Variants in PAICS observed in about 807,000 individuals in gnomAD.
The protein encoded by PAICS is phosphoribosylaminoimidazole carboxylase and phosphoribosylaminoimidazolesuccinocarboxamide synthase.
Under a neutral mutation model 53.7 loss-of-function variants are expected in PAICS, and 33 were observed. The observed-to-expected ratio is 0.61, with a 90% CI of 0.47 to 0.82. The LOEUF is 0.82. Among genes scored for constraint, PAICS ranks in the 40% least tolerant of loss-of-function variants. The pLI, the probability that PAICS is intolerant of heterozygous loss-of-function variation, is 0.00. For missense variants in PAICS, 394 were observed against 494.1 expected (o/e 0.80, Z 1.92); for synonymous variants, 141 against 167.2 (o/e 0.84, Z 1.21).
At chr4:56,447,750 GAATTTTAAAGTGCTA>G (rs1718688876) in intron 3 of PAICS, among the ~76,000 whole-genome samples, 1 of 152,072 alleles carries the variant, frequency 6.6e-6, no homozygotes, top group African/African-American at 2.4e-5. Flanking sequence ...TAAATACTTT[GAATTTTAAAGTGCTA>G]TTGAGAGTAA....
the PAICS span, among the ~76,000 whole-genome samples, chr4:56,423,960 A>G: frequency 0.69 from 104,477 of 151,992 alleles, 36,015 homozygotes; most frequent in South Asian, 0.76. Context: ...TAAAAATATG[A>G]ATTATTTATC....
At chr4:56,423,123 A>G in the PAICS span, 1 of 152,360 alleles carries the variant, frequency 6.6e-6, no homozygotes, top group South Asian at 2.1e-4. Context: ...AAGCTGAAGT[A>G]TATCTGTTAA....
At chr4:56,436,665 C>G in intron 1 of PAICS, 1 of 575,094 alleles carries the variant, frequency 1.7e-6, no homozygotes. Context: ...AGGTTAATGA[C>G]CTTTCTAAGA....
intron 8 of PAICS, among the ~76,000 whole-genome samples, chr4:56,457,053 A>G (rs1719248912): frequency 6.6e-6 from 1 of 152,154 alleles, no homozygotes; most frequent in Non-Finnish European, 1.5e-5. Flanking sequence ...TGTTGACCAG[A>G]ATTACTCAGA....
In PAICS at chr4:56,441,878, A is replaced by G; in HGVS notation, c.214+18A>G. The stretch of plus-strand genomic sequence containing the variant: ...GGAAGCAGGTAAGCAGCTCCCTCAA[A>G]GTCTCTTCTCTCACCTTCTCTGGTA... On this transcript the variant is annotated intron_variant, in intron 2 of 8. Coordinates refer to ENST00000512576, the MANE Select transcript of PAICS (RefSeq NM_001079524.2). The G allele has an allele frequency of 6.5e-7, 1 of 1,538,576 alleles. No homozygotes were observed. The highest frequency in any genetic ancestry group is 8.9e-7 in the Non-Finnish European group (1 of 1,129,306).
chr4:56,434,939 C>A (rs987093537), upstream of PAICS, among the ~76,000 whole-genome samples: 8 of 152,208 alleles, frequency 5.3e-5, no homozygotes, highest in Admixed American at 3.9e-4. Context: ...GTTGAAGGAC[C>A]TGGACTGGCC....
chr4:56,457,159 G>A (rs1369118503), intron 8 of PAICS, among the ~76,000 whole-genome samples: 1 of 152,180 alleles, frequency 6.6e-6, no homozygotes, highest in Non-Finnish European at 1.5e-5. Context: ...TGGCTTGGTG[G>A]CTCATGCCTA....
chr4:56,435,687 G>A (rs1204756190), upstream of PAICS: 24 of 1,453,198 alleles, frequency 1.7e-5, no homozygotes, highest in Non-Finnish European at 2.1e-5. Flanking sequence ...GTCCACCAAC[G>A]AGCGAGGGCG....
At chr4:56,423,528 T>C in the PAICS span, 7 of 152,096 alleles carry the variant, frequency 4.6e-5, no homozygotes, top group African/African-American at 1.7e-4. Flanking sequence ...GAAAAAAGAT[T>C]TCCATCTAAA....
chr4:56,441,751 C>T lies in PAICS; in HGVS notation c.105C>T (p.Ser35=), dbSNP rs1718354195. The change falls in exon 2 of 9, where the codon TCC becomes TCT. Residue 35 remains serine, a synonymous_variant. Transcript: ENST00000512576. The part of the protein sequence containing the change: ...LDSPGKVLLQ[S]KDQITAGNAA... ...GTCCAGGAAAAGTCCTCCTGCAGTC[C>T]AAGGACCAGATTACAGCAGGAAATG... 1 of 1,604,688 alleles carries T rather than the reference C, an allele frequency of 6.2e-7. No individual in the cohort carries two copies. Among genetic ancestry groups the T allele is most frequent in the Non-Finnish European group, 8.5e-7 (1 of 1,174,658 alleles).
At chr4:56,458,942 T>A (rs10015221) in intron 8 of PAICS, among the ~76,000 whole-genome samples, 1 of 151,978 alleles carries the variant, frequency 6.6e-6, no homozygotes, top group East Asian at 1.9e-4. Context: ...CAAATGCAGA[T>A]AGAAAGATTA....
upstream of PAICS, among the ~76,000 whole-genome samples, chr4:56,432,973 C>CAA (rs1553940508): frequency 2.4e-5 from 3 of 127,512 alleles, no homozygotes; most frequent in South Asian, 7.9e-4. Flanking sequence ...TATATATATA[C>CAA]ATATATACAT....
rs910268410 is a variant in PAICS at position 56,463,282 on chromosome 4, TTTC to T, written c.*3749_*3751del. On this transcript the variant is annotated 3_prime_UTR_variant, in exon 9 of 9. Coordinates refer to ENST00000512576, the MANE Select transcript of PAICS (RefSeq NM_001079524.2). Reference sequence around the variant, plus strand: ...TCAAGTTATAAAATGGAGCTAAATATTTCTTCTGCTTGCCTCTGAGTTGATAAG... The same window carrying T: ...TCAAGTTATAAAATGGAGCTAAATATTTCTGCTTGCCTCTGAGTTGATAAG... The T allele has an allele frequency of 1.3e-5, 2 of 152,010 alleles. No homozygotes were observed. The highest frequency in any genetic ancestry group is 2.9e-5 in the Non-Finnish European group (2 of 68,086). 9.4% of individuals were successfully genotyped at this position (152,010 alleles called of 1,614,324 possible).
the PAICS span, chr4:56,420,247 T>C: frequency 6.5e-6 from 1 of 152,678 alleles, no homozygotes; most frequent in East Asian, 1.9e-4. Flanking sequence ...GTTTCATATA[T>C]ATAGCTTAAA....
chr4:56,428,639 A>C, the PAICS span, among the ~76,000 whole-genome samples: 1 of 152,308 alleles, frequency 6.6e-6, no homozygotes, highest in Admixed American at 6.5e-5. Flanking sequence ...TAACAAAAAA[A>C]ATTCTAGACA....
chr4:56,426,019 T>A, the PAICS span, among the ~76,000 whole-genome samples: 1 of 152,178 alleles, frequency 6.6e-6, no homozygotes. Flanking sequence ...TTCACCCAAC[T>A]AAAGCGTATA....
Position 56,461,190 on chromosome 4 carries a change from C to G in PAICS, c.*1652C>G, listed in dbSNP as rs907701519. The G allele has an allele frequency of 6.6e-6, 1 of 152,150 alleles. No homozygotes were observed. Among genetic ancestry groups the G allele is most frequent in the African/African-American group, 2.4e-5 (1 of 41,436 alleles). 9.4% of individuals were successfully genotyped at this position (152,150 alleles called of 1,614,324 possible). A position where few individuals can be genotyped will look rare whatever the true frequency, so the allele number is the denominator to read the frequency against. ...TTCTTTCTCTATTGAATTATTAGGTCCAGAATAGAAGATGTCATTGTACAC... is the reference window on the plus strand; with the variant it reads ...TTCTTTCTCTATTGAATTATTAGGTGCAGAATAGAAGATGTCATTGTACAC... On this transcript the variant is annotated 3_prime_UTR_variant, in exon 9 of 9. Transcript: ENST00000512576.
Position 56,462,289 on chromosome 4 carries a change from A to T in PAICS, c.*2751A>T, listed in dbSNP as rs530962699. 6.6e-6 allele frequency: 1 copy of T among 152,342 alleles called. No individual in the cohort carries two copies. The highest frequency in any genetic ancestry group is 2.1e-4 in the South Asian group (1 of 4,830). The allele number at this position is 152,342 out of a possible 1,614,324, so 9.4% of individuals were successfully genotyped here. A position where few individuals can be genotyped will look rare whatever the true frequency, so the allele number is the denominator to read the frequency against. On this transcript the variant is annotated 3_prime_UTR_variant, in exon 9 of 9. Coordinates refer to ENST00000512576, the MANE Select transcript of PAICS (RefSeq NM_001079524.2). ...GCCTTGAGGACCTCCAAACATGAGA[A>T]TTGCTAGAGCTCTGTGAACAAGGAT...
intron 2 of PAICS, chr4:56,446,391 C>A (rs1718620885): frequency 1.4e-6 from 1 of 717,618 alleles, no homozygotes; most frequent in Non-Finnish European, 2.6e-6. Context: ...AGTATTTGTT[C>A]TTTTGCATTT....
Sources: gnomAD v4.1 joint callset for allele counts (sites outside exome capture counted in the v4.1 genomes callset) on GRCh38, gnomAD v4.1.1 for gene constraint, MANE v1.5 for transcripts, NCBI Gene and HGNC (gene_info 2026-07-23, HGNC 2026-07-21) for gene names.